Variants in SLC24A3 observed in about 807,000 individuals in gnomAD.
The protein encoded by SLC24A3 is sodium/potassium/calcium exchanger 3.
SLC24A3 carries 28 observed loss-of-function variants against 75.8 expected under a neutral mutation model. The ratio of observed to expected loss-of-function variants is 0.37; its 90% confidence interval spans 0.27 to 0.51. The LOEUF (loss-of-function observed/expected upper bound fraction) is 0.51. Among genes scored for constraint, SLC24A3 ranks in the 20% least tolerant of loss-of-function variants. The probability of loss-of-function intolerance (pLI) is 0.94; values close to 1 mark genes in which losing one functional copy is unlikely to be tolerated. For missense variants in SLC24A3, 663 were observed against 847.8 expected (o/e 0.78, Z 2.71); for synonymous variants, 372 against 334.1 (o/e 1.11, Z -1.24).
intron 2 of SLC24A3, among the ~76,000 whole-genome samples, chr20:19,302,316 C>T (rs1385022137): frequency 6.6e-6 from 1 of 152,154 alleles, no homozygotes; most frequent in Non-Finnish European, 1.5e-5. Context: ...ATGGTAATGG[C>T]ATTAAATCTT....
intron 2 of SLC24A3, among the ~76,000 whole-genome samples, chr20:19,396,344 G>A (rs767289191): frequency 1.3e-5 from 2 of 151,994 alleles, no homozygotes; most frequent in Non-Finnish European, 2.9e-5. Context: ...AAAATGAACA[G>A]GTAAACTTGA....
chr20:19,456,567 C>T (rs1006813180), intron 2 of SLC24A3, among the ~76,000 whole-genome samples: 1 of 152,208 alleles, frequency 6.6e-6, no homozygotes, highest in Non-Finnish European at 1.5e-5. Context: ...TTGTAAATTG[C>T]CCAGTCTTTA....
chr20:19,629,503 C>T (rs2031908870), intron 6 of SLC24A3, among the ~76,000 whole-genome samples: 1 of 151,996 alleles, frequency 6.6e-6, no homozygotes, highest in Non-Finnish European at 1.5e-5. Flanking sequence ...AAATAATAGC[C>T]AATATCTCCG....
chr20:19,262,720 A>G (rs1228344180), intron 1 of SLC24A3, among the ~76,000 whole-genome samples: 1 of 152,170 alleles, frequency 6.6e-6, no homozygotes, highest in East Asian at 1.9e-4. Flanking sequence ...TGAGAAAAAG[A>G]CAATGTGTGT....
chr20:19,222,393 T>C (rs550104447), intron 1 of SLC24A3, among the ~76,000 whole-genome samples: 1 of 152,342 alleles, frequency 6.6e-6, no homozygotes, highest in Non-Finnish European at 1.5e-5. Context: ...CTGGAAATTG[T>C]GCAAAGGAGG....
intron 6 of SLC24A3, among the ~76,000 whole-genome samples, chr20:19,613,222 G>A (rs2031694438): frequency 6.6e-6 from 1 of 152,114 alleles, no homozygotes; most frequent in East Asian, 1.9e-4. Flanking sequence ...ATCTATTTGT[G>A]TATTATAAAA....
intron 6 of SLC24A3, among the ~76,000 whole-genome samples, chr20:19,620,326 T>TG (rs941211379): frequency 9.2e-5 from 14 of 152,138 alleles, no homozygotes; most frequent in Non-Finnish European, 1.8e-4. Context: ...CAATCTTTTT[T>TG]GGGGGGGAAA....
intron 1 of SLC24A3, among the ~76,000 whole-genome samples, chr20:19,243,385 A>G (rs1359070251): frequency 6.6e-6 from 1 of 152,248 alleles, no homozygotes; most frequent in Admixed American, 6.5e-5. Context: ...ATAATTCCAG[A>G]ACATAACTTC....
chr20:19,218,694 CT>C (rs112564502), intron 1 of SLC24A3, among the ~76,000 whole-genome samples: 2,201 of 143,728 alleles, frequency 0.015, 15 homozygotes, highest in Middle Eastern at 0.032. Context: ...TTGTGGGAAG[CT>C]TTTTTTTTTT....
At chr20:19,378,168 C>G (rs1986119016) in intron 2 of SLC24A3, among the ~76,000 whole-genome samples, 1 of 152,042 alleles carries the variant, frequency 6.6e-6, no homozygotes, top group Admixed American at 6.6e-5. Context: ...GAGCCAGGTA[C>G]TTAGGTTGAG....
At chr20:19,684,485 G>T in intron 11 of SLC24A3, 149 bp downstream of exon 11, 1 of 922,578 alleles carries the variant, frequency 1.1e-6, no homozygotes, top group Non-Finnish European at 1.6e-6. Flanking sequence ...TAGTTCCCTG[G>T]GCCAGCTGTA....
At chr20:19,320,098 G>A (rs1984673842) in intron 2 of SLC24A3, among the ~76,000 whole-genome samples, 1 of 152,214 alleles carries the variant, frequency 6.6e-6, no homozygotes, top group Admixed American at 6.5e-5. Flanking sequence ...GGTCAAGGCT[G>A]TGCCTGGAGC....
intron 2 of SLC24A3, among the ~76,000 whole-genome samples, chr20:19,475,497 T>G (rs1987948179): frequency 6.6e-6 from 1 of 152,200 alleles, no homozygotes; most frequent in Non-Finnish European, 1.5e-5. Context: ...GAGAATCTAG[T>G]GATAATCTCT....
chr20:19,502,996 C>T (rs903262102), intron 2 of SLC24A3, among the ~76,000 whole-genome samples: 11 of 149,772 alleles, frequency 7.3e-5, no homozygotes, highest in Non-Finnish European at 8.9e-5. Context: ...TACTGCGCTC[C>T]AGCCCTGGCA....
chr20:19,613,645 C>A, intron 6 of SLC24A3, among the ~76,000 whole-genome samples: 1 of 152,290 alleles, frequency 6.6e-6, no homozygotes, highest in African/African-American at 2.4e-5. Flanking sequence ...CCTCAAGACA[C>A]CTGTTCCTCC....
chr20:19,596,138 A>G (rs2022509628), intron 6 of SLC24A3, among the ~76,000 whole-genome samples: 1 of 152,144 alleles, frequency 6.6e-6, no homozygotes, highest in Non-Finnish European at 1.5e-5. Context: ...CCGTTATGCA[A>G]TTTATATTCT....
chr20:19,477,457 G>A (rs573654130), intron 2 of SLC24A3, among the ~76,000 whole-genome samples: 2 of 152,226 alleles, frequency 1.3e-5, no homozygotes, highest in Non-Finnish European at 2.9e-5. Flanking sequence ...TCCAAAAAAG[G>A]TGAGATTTTA....
intron 2 of SLC24A3, among the ~76,000 whole-genome samples, chr20:19,403,266 G>A (rs1269269706): frequency 6.6e-6 from 1 of 152,168 alleles, no homozygotes; most frequent in Non-Finnish European, 1.5e-5. Context: ...GAACTGTTAT[G>A]CATCATCTTC....
intron 6 of SLC24A3, among the ~76,000 whole-genome samples, chr20:19,624,564 G>A (rs2031844829): frequency 6.6e-6 from 1 of 152,116 alleles, no homozygotes. Flanking sequence ...AAGGAAAAGT[G>A]AACTATGCCA....
Sources: gnomAD v4.1 joint callset for allele counts (sites outside exome capture counted in the v4.1 genomes callset) on GRCh38, gnomAD v4.1.1 for gene constraint, MANE v1.5 for transcripts, NCBI Gene and HGNC (gene_info 2026-07-23, HGNC 2026-07-21) for gene names.